Variants in MYO5B observed in about 807,000 individuals in gnomAD.
MYO5B encodes the protein unconventional myosin-Vb.
In MYO5B, 143 loss-of-function variants were observed where a neutral mutation model predicts 229.3. The observed-to-expected ratio is 0.62, with a 90% CI of 0.54 to 0.72. The LOEUF is 0.72. Ranked by LOEUF, MYO5B falls within the 30% of genes least tolerant of loss-of-function variation. MYO5B has a pLI of 0.00. For synonymous variants in MYO5B, 918 were observed against 885.2 expected (o/e 1.04, Z -0.66); for missense variants, 2,321 against 2,331.0 (o/e 1.00, Z 0.09).
At chr18:49,833,878 G>A (rs632263) in intron 39 of MYO5B, among the ~76,000 whole-genome samples, 129,058 of 152,128 alleles carry the variant, frequency 0.85, 54,834 homozygotes, top group East Asian at 0.96. Flanking sequence ...CCCCATTGTT[G>A]TATACATGTT....
intron 1 of MYO5B, among the ~76,000 whole-genome samples, chr18:50,115,754 G>A (rs909507698): frequency 6.7e-6 from 1 of 149,984 alleles, no homozygotes; most frequent in African/African-American, 2.4e-5. Context: ...GGCCTCATAT[G>A]TTAGGGAATT....
intron 1 of MYO5B, among the ~76,000 whole-genome samples, chr18:50,065,122 T>G (rs1021081784): frequency 6.6e-6 from 1 of 152,172 alleles, no homozygotes; most frequent in African/African-American, 2.4e-5. Context: ...CCATCTCCAA[T>G]TAGTCAAACA....
At chr18:50,009,303 G>A (rs1004405877) in intron 4 of MYO5B, among the ~76,000 whole-genome samples, 65 of 152,222 alleles carry the variant, frequency 4.3e-4, no homozygotes, top group African/African-American at 1.1e-3. Flanking sequence ...GCTTGAGCCC[G>A]GGAGGCGGAG....
At chr18:50,097,473 G>T (rs2031574775) in intron 1 of MYO5B, 1 of 331,096 alleles carries the variant, frequency 3.0e-6, no homozygotes, top group Non-Finnish European at 6.0e-6. Context: ...TCAACCATAA[G>T]AGAAGTTCCA....
intron 17 of MYO5B, among the ~76,000 whole-genome samples, chr18:49,916,334 G>A (rs2025013671): frequency 6.6e-6 from 1 of 152,212 alleles, no homozygotes. Context: ...AGAACAGGAG[G>A]ACAGAAGCCT....
chr18:50,088,954 A>G (rs1240531213), intron 1 of MYO5B, among the ~76,000 whole-genome samples: 1 of 152,134 alleles, frequency 6.6e-6, no homozygotes, highest in Admixed American at 6.6e-5. Flanking sequence ...ACTTGTGAAT[A>G]TCATCTAAGG....
intron 38 of MYO5B, 142 bp downstream of exon 38, chr18:49,836,569 C>G: frequency 1.1e-6 from 1 of 935,154 alleles, no homozygotes; most frequent in Non-Finnish European, 1.7e-6. Flanking sequence ...ATCCCATCAG[C>G]TGCACTTCAA....
intron 2 of MYO5B, among the ~76,000 whole-genome samples, chr18:50,042,538 T>C (rs1031395341): frequency 6.6e-6 from 1 of 152,234 alleles, no homozygotes. Flanking sequence ...CAATTAACTA[T>C]CATGTAGACG....
At chr18:49,872,330 C>T (rs1021593786) in intron 26 of MYO5B, 98 bp from the exon 27 acceptor site, 27 of 1,172,796 alleles carry the variant, frequency 2.3e-5, no homozygotes, top group African/African-American at 1.4e-4. Context: ...CCTGCCTGTG[C>T]GTGAATACCC....
chr18:49,902,524 C>G, intron 21 of MYO5B, 70 bp downstream of exon 21: 1 of 1,594,970 alleles, frequency 6.3e-7, no homozygotes, highest in East Asian at 2.2e-5. Flanking sequence ...CTCAAGGAAG[C>G]TGTGGGCTCT....
intron 14 of MYO5B, among the ~76,000 whole-genome samples, chr18:49,938,839 G>T (rs977450303): frequency 7.2e-5 from 11 of 152,110 alleles, no homozygotes; most frequent in African/African-American, 2.7e-4. Context: ...ATCCTGAGAG[G>T]CCCCTCTCTC....
chr18:49,910,903 A>T (rs886966859), intron 18 of MYO5B, among the ~76,000 whole-genome samples: 6 of 152,236 alleles, frequency 3.9e-5, no homozygotes, highest in Admixed American at 3.9e-4. Flanking sequence ...ATTAATGATC[A>T]TACTCTGCTG....
At chr18:49,826,983 A>T (rs1241652953) in intron 39 of MYO5B, among the ~76,000 whole-genome samples, 2 of 152,108 alleles carry the variant, frequency 1.3e-5, no homozygotes, top group South Asian at 4.1e-4. Context: ...CTGAGCTCTA[A>T]TCCTGGCACC....
At chr18:49,975,741 G>A (rs1476543437) in intron 9 of MYO5B, among the ~76,000 whole-genome samples, 1 of 152,082 alleles carries the variant, frequency 6.6e-6, no homozygotes, top group African/African-American at 2.4e-5. Context: ...GCAAAAAGCT[G>A]AGCTGAGCCC....
chr18:50,161,318 A>C (rs1303845064), intron 1 of MYO5B, among the ~76,000 whole-genome samples: 2 of 152,110 alleles, frequency 1.3e-5, no homozygotes, highest in Non-Finnish European at 2.9e-5. Flanking sequence ...TGGGAGGTGG[A>C]GGTTGCAGTG....
In MYO5B at chr18:50,120,880, C is replaced by A. The variant is rs75849505; in HGVS notation, c.28-65502G>T. ...GGTAGATGGTGAAAGCTGACCTGCACGCCATTTAAAAGGCTTCCAATGTTT... is the reference window on the plus strand; with the variant it reads ...GGTAGATGGTGAAAGCTGACCTGCAAGCCATTTAAAAGGCTTCCAATGTTT... On this transcript the variant is annotated intron_variant, in intron 1 of 39. Transcript: ENST00000285039. Among the ~76,000 whole-genome samples the A allele has an allele frequency of 7.0e-3, 1,070 of 152,266 alleles. 18 individuals carry two copies. The highest frequency in any genetic ancestry group is 0.024 in the African/African-American group (986 of 41,536).
intron 4 of MYO5B, among the ~76,000 whole-genome samples, chr18:50,030,125 A>C (rs539866943): frequency 1.3e-5 from 2 of 152,358 alleles, no homozygotes; most frequent in African/African-American, 4.8e-5. Flanking sequence ...ATCCAAGTTC[A>C]ACAGAATCTG....
At chr18:49,887,551 T>C (rs974840982) in intron 22 of MYO5B, among the ~76,000 whole-genome samples, 2 of 152,118 alleles carry the variant, frequency 1.3e-5, no homozygotes, top group Non-Finnish European at 2.9e-5. Flanking sequence ...CTGCTCCCCC[T>C]TCAACTTTTG....
At chr18:50,138,010 G>A (rs1705504) in intron 1 of MYO5B, among the ~76,000 whole-genome samples, 1 of 151,986 alleles carries the variant, frequency 6.6e-6, no homozygotes, top group African/African-American at 2.4e-5. Context: ...GAGAGGATCA[G>A]AAAAGATAAC....
Sources: allele counts gnomAD v4.1 joint callset (sites outside exome capture counted in the v4.1 genomes callset), GRCh38; gene constraint gnomAD v4.1.1; transcripts MANE v1.5; gene names NCBI Gene and HGNC (gene_info 2026-07-23, HGNC 2026-07-21).